The following SH3D19 variants were observed in gnomAD, a reference collection of about 807,000 sequenced individuals.
The protein encoded by SH3D19 is SH3 domain-containing protein 19.
In SH3D19, 58 loss-of-function variants were observed where a neutral mutation model predicts 112.1. The observed-to-expected ratio is 0.52, with a 90% confidence interval of 0.42 to 0.64. The LOEUF is 0.64. SH3D19 is among the 30% of genes least tolerant of loss of function. The pLI is 0.00. For missense variants in SH3D19, 1,090 were observed against 1,263.4 expected (o/e 0.86, Z 2.08); for synonymous variants, 391 against 448.5 (o/e 0.87, Z 1.62).
intron 1 of SH3D19, among the ~76,000 whole-genome samples, chr4:151,280,680 AC>A (rs1325020776): frequency 3.3e-5 from 5 of 152,058 alleles, no homozygotes; most frequent in African/African-American, 9.7e-5. Flanking sequence ...AATCCCAGCT[AC>A]TCATGAGGCT....
chr4:151,129,518 C>T (rs1750154294), intron 17 of SH3D19, among the ~76,000 whole-genome samples: 1 of 152,154 alleles, frequency 6.6e-6, no homozygotes, highest in Admixed American at 6.5e-5. Context: ...TACAGGTGCA[C>T]ACCACCACAC....
intron 12 of SH3D19, among the ~76,000 whole-genome samples, chr4:151,142,794 A>G (rs1431178297): frequency 6.6e-6 from 1 of 152,198 alleles, no homozygotes; most frequent in Non-Finnish European, 1.5e-5. Context: ...TAAAAAAAAA[A>G]TGTAACAATA....
chr4:151,197,656 A>G (rs554404485), intron 2 of SH3D19, among the ~76,000 whole-genome samples: 6 of 152,368 alleles, frequency 3.9e-5, no homozygotes, highest in Admixed American at 2.0e-4. Flanking sequence ...ATTCTAAAAC[A>G]TACGAAAAAT....
chr4:151,282,870 C>T (rs1166370157), intron 1 of SH3D19, among the ~76,000 whole-genome samples: 1 of 151,926 alleles, frequency 6.6e-6, no homozygotes, highest in Non-Finnish European at 1.5e-5. Context: ...CAGAATTTAT[C>T]GGAAGTACTC....
At chr4:151,206,102 G>A (rs1765069285) in intron 2 of SH3D19, among the ~76,000 whole-genome samples, 1 of 152,162 alleles carries the variant, frequency 6.6e-6, no homozygotes, top group Non-Finnish European at 1.5e-5. Flanking sequence ...AACATCCCAT[G>A]GCTGGAAGAG....
chr4:151,255,012 C>T (rs1179217590), intron 1 of SH3D19, among the ~76,000 whole-genome samples: 1 of 151,222 alleles, frequency 6.6e-6, no homozygotes, highest in Admixed American at 6.6e-5. Context: ...CCTCACTTCC[C>T]AGTAGGGGCG....
At chr4:151,317,865 T>C (rs1409204571) in intron 1 of SH3D19, among the ~76,000 whole-genome samples, 2 of 151,768 alleles carry the variant, frequency 1.3e-5, no homozygotes, top group African/African-American at 4.8e-5. Context: ...CCCAGCTACT[T>C]GGGAGGATGA....
chr4:151,208,888 A>G (rs1765526231), intron 2 of SH3D19, among the ~76,000 whole-genome samples: 1 of 147,684 alleles, frequency 6.8e-6, no homozygotes, highest in Admixed American at 6.8e-5. Flanking sequence ...CGTGTTAGCC[A>G]GGATGATCTT....
At chr4:151,205,401 C>A (rs762549307) in intron 2 of SH3D19, among the ~76,000 whole-genome samples, 2 of 152,152 alleles carry the variant, frequency 1.3e-5, no homozygotes. Flanking sequence ...TCAGTGAATT[C>A]TTGGAGACAC....
At chr4:151,156,814 G>A (rs1225121476) in intron 9 of SH3D19, among the ~76,000 whole-genome samples, 2 of 152,070 alleles carry the variant, frequency 1.3e-5, no homozygotes, top group Non-Finnish European at 2.9e-5. Flanking sequence ...AAACAAATGG[G>A]CTTATATCAA....
chr4:151,175,114 G>C lies in SH3D19; in HGVS notation c.1090C>G (p.Leu364Val). 1.9e-6 allele frequency: 3 copies of C among 1,614,106 alleles called. No homozygotes were observed. The highest frequency in any genetic ancestry group is 2.5e-6 in the Non-Finnish European group (3 of 1,180,014). ...TCTTGCAGGGGAGGGTATGGGGTGAGTCCTTCCTTGGAGGTCACCTTGAGT... is the reference window on the plus strand; with the variant it reads ...TCTTGCAGGGGAGGGTATGGGGTGACTCCTTCCTTGGAGGTCACCTTGAGT... ...NRLKVTSKEG[L>V]TPYPPLQEAG... is the part of the protein sequence containing the mutation. The change falls in exon 7 of 20, where the codon CTC becomes GTC. Residue 364 changes from leucine (L) to valine (V), a missense_variant. Leu to Val is a conservative substitution (Grantham distance 32). Transcript: ENST00000604030.
chr4:151,238,177 A>G (rs1647353229), intron 1 of SH3D19, among the ~76,000 whole-genome samples: 1 of 152,076 alleles, frequency 6.6e-6, no homozygotes, highest in African/African-American at 2.4e-5. Flanking sequence ...CCTCACTGTC[A>G]TTTTCTAAGA....
At chr4:151,234,657 C>A (rs1044400160) in intron 1 of SH3D19, among the ~76,000 whole-genome samples, 1 of 150,452 alleles carries the variant, frequency 6.6e-6, no homozygotes, top group Non-Finnish European at 1.5e-5. Context: ...AGTTCCCTGA[C>A]TATCAAATGC....
At chr4:151,283,032 C>A in intron 1 of SH3D19, 3 of 1,253,524 alleles carry the variant, frequency 2.4e-6, no homozygotes, top group Non-Finnish European at 3.4e-6. Context: ...GATTCCCATT[C>A]AGAGACTTCT....
intron 2 of SH3D19, among the ~76,000 whole-genome samples, chr4:151,200,534 T>C (rs552211395): frequency 8.5e-5 from 13 of 152,326 alleles, no homozygotes; most frequent in Admixed American, 7.9e-4. Flanking sequence ...TCCCAATCTA[T>C]CACCAGTGGT....
At chr4:151,291,431 G>C in intron 1 of SH3D19, 1 of 1,611,800 alleles carries the variant, frequency 6.2e-7, no homozygotes, top group Non-Finnish European at 8.5e-7. Context: ...AATGCATGGA[G>C]ATTTAGTCCC....
chr4:151,260,904 C>T (rs1465225332), intron 1 of SH3D19, among the ~76,000 whole-genome samples: 1 of 152,146 alleles, frequency 6.6e-6, no homozygotes, highest in Non-Finnish European at 1.5e-5. Flanking sequence ...TCAACAAGAC[C>T]TTTCCTGACC....
At chr4:151,204,312 C>T (rs1764802718) in intron 2 of SH3D19, among the ~76,000 whole-genome samples, 1 of 152,124 alleles carries the variant, frequency 6.6e-6, no homozygotes, top group African/African-American at 2.4e-5. Flanking sequence ...CTTTGACTAG[C>T]TCCATACAAA....
At chr4:151,229,810 C>T (rs575606338) in intron 1 of SH3D19, among the ~76,000 whole-genome samples, 8 of 152,094 alleles carry the variant, frequency 5.3e-5, no homozygotes, top group South Asian at 2.1e-4. Context: ...AGCTACTCTG[C>T]GGGCTGAGGT....
Sources: gnomAD v4.1 joint callset for allele counts (sites outside exome capture counted in the v4.1 genomes callset) on GRCh38, gnomAD v4.1.1 for gene constraint, MANE v1.5 for transcripts, NCBI Gene and HGNC (gene_info 2026-07-23, HGNC 2026-07-21) for gene names.